Variants in RTN1 observed in about 807,000 individuals in gnomAD.
RTN1 encodes the protein reticulon 1, also known as reticulon-1.
In RTN1, 25 loss-of-function variants were observed where a neutral mutation model predicts 65.5. The observed-to-expected ratio is 0.38, with a 90% CI of 0.28 to 0.53. The LOEUF is 0.53. Among genes scored for constraint, RTN1 ranks in the 20% least tolerant of loss-of-function variants. The pLI, the probability that RTN1 is intolerant of heterozygous loss-of-function variation, is 0.79. For synonymous variants in RTN1, 471 were observed against 447.6 expected, an observed-to-expected ratio of 1.05 and a Z score of -0.66; for missense variants, 983 against 1,025.4, an observed-to-expected ratio of 0.96 and a Z score of 0.57.
chr14:59,610,406 C>T (rs1881912059), intron 3 of RTN1, among the ~76,000 whole-genome samples: 1 of 152,196 alleles, frequency 6.6e-6, no homozygotes, highest in African/African-American at 2.4e-5. Flanking sequence ...ACAATATTAT[C>T]TATTTACATT....
intron 2 of RTN1, among the ~76,000 whole-genome samples, chr14:59,744,341 C>T (rs1342003129): frequency 6.6e-6 from 1 of 152,282 alleles, no homozygotes; most frequent in African/African-American, 2.4e-5. Context: ...CTCTTCATCT[C>T]GATGCCTCAT....
In RTN1 at chr14:59,849,859, C is replaced by T. The variant is rs955008107; in HGVS notation, c.241+20531G>A. ...TCTCTTTTCCTCTTCTTCATAAATC[C>T]ATTCCTTTTTTTACTTTTGCTTCCT... On this transcript the variant is annotated intron_variant, in intron 1 of 8. Coordinates refer to ENST00000267484, the MANE Select transcript of RTN1 (RefSeq NM_021136.3). This position sits in a 1 kb window ranked among gnomAD's most constrained non-coding sequence, Gnocchi z 4.5. Among the ~76,000 whole-genome samples the T allele has an allele frequency of 2.0e-5, 3 of 152,126 alleles. No individual in the cohort carries two copies. Among genetic ancestry groups the T allele is most frequent in the Admixed American group, 1.3e-4 (2 of 15,270 alleles).
rs1885859972 is a variant in RTN1 at position 59,766,878 on chromosome 14, T to C, written c.242-20397A>G. On this transcript the variant is annotated intron_variant, in intron 1 of 8. Transcript: ENST00000267484. This position sits in a 1 kb window ranked among gnomAD's most constrained non-coding sequence, Gnocchi z 4.4. ...TATAATAATGATAAAACAAACTTGA[T>C]AGTTTCAGTGTTTAGTTATTTAACT... 2.0e-5 allele frequency among the ~76,000 whole-genome samples: 3 copies of C among 152,236 alleles called. 1 individual carries two copies. The South Asian group carries it at 6.2e-4, about 32-fold the overall frequency.
chr14:59,729,538 C>G (rs932352054), intron 2 of RTN1, among the ~76,000 whole-genome samples: 2 of 152,120 alleles, frequency 1.3e-5, no homozygotes, highest in South Asian at 4.1e-4. Flanking sequence ...TTTCAGACAG[C>G]GGAAAAGTGT....
chr14:59,756,555 A>C (rs1374912531), intron 1 of RTN1, among the ~76,000 whole-genome samples: 1 of 152,150 alleles, frequency 6.6e-6, no homozygotes. Flanking sequence ...GAGGGCTCTA[A>C]ATTTCCTTTA....
At chr14:59,749,531 ATC>A (rs1379785624) in intron 1 of RTN1, among the ~76,000 whole-genome samples, 49 of 57,918 alleles carry the variant, frequency 8.5e-4, no homozygotes, top group African/African-American at 5.5e-3. Context: ...ATTTATATAT[ATC>A]TATCTATATA....
chr14:59,799,759 C>T (rs980255267), intron 1 of RTN1, among the ~76,000 whole-genome samples: 1 of 152,142 alleles, frequency 6.6e-6, no homozygotes, highest in African/African-American at 2.4e-5. Context: ...ATACTGCCCA[C>T]TTTGACAGAC....
intron 1 of RTN1, among the ~76,000 whole-genome samples, chr14:59,757,961 G>A (rs1410486065): frequency 6.6e-6 from 1 of 151,986 alleles, no homozygotes; most frequent in African/African-American, 2.4e-5. Context: ...TTGAACAAAA[G>A]TATAATGACA....
At chr14:59,731,387 G>A (rs749013430) in intron 2 of RTN1, among the ~76,000 whole-genome samples, 6 of 151,968 alleles carry the variant, frequency 3.9e-5, no homozygotes, top group Non-Finnish European at 5.9e-5. Context: ...TTCTTTTTGG[G>A]GTAATAAGAT....
intron 3 of RTN1, among the ~76,000 whole-genome samples, chr14:59,681,651 G>C (rs1883748155): frequency 6.6e-6 from 1 of 152,168 alleles, no homozygotes; most frequent in Non-Finnish European, 1.5e-5. Flanking sequence ...TTGAGTTCCA[G>C]GTTCAGGTCA....
intron 3 of RTN1, among the ~76,000 whole-genome samples, chr14:59,644,806 C>T (rs1566671012): frequency 6.6e-6 from 1 of 151,864 alleles, no homozygotes; most frequent in Non-Finnish European, 1.5e-5. Context: ...GTACAGCCAC[C>T]CTACAGAAAA....
At chr14:59,668,786 T>C (rs1335145387) in intron 3 of RTN1, among the ~76,000 whole-genome samples, 1 of 152,076 alleles carries the variant, frequency 6.6e-6, no homozygotes, top group Non-Finnish European at 1.5e-5. Context: ...CATCAAAAAG[T>C]GGGCAAAGGA....
rs1279397916 is a variant in RTN1, at chr14:59,727,393, A to G, written c.1291T>C (p.Tyr431His). ...CCGCCCACGTGGCCAAAGCTCACATAGCCTGAGGGCAGCGCGTCCTCCGCG... is the reference window on the plus strand; with the variant it reads ...CCGCCCACGTGGCCAAAGCTCACATGGCCTGAGGGCAGCGCGTCCTCCGCG... ...MAAEDALPSG[Y>H]VSFGHVGGPP... Residue 431 changes from tyrosine (Y) to histidine (H), a missense_variant, in exon 3 of 9, where the codon TAT (tyrosine) becomes CAT (histidine). Coordinates refer to ENST00000267484, the MANE Select transcript of RTN1 (RefSeq NM_021136.3). The surrounding 1 kb of genome is among the most constrained non-coding windows in gnomAD (Gnocchi z 4.2). The G allele has an allele frequency of 6.5e-7, 1 of 1,543,128 alleles. No individual in the cohort carries two copies. Among genetic ancestry groups the G allele is most frequent in the Admixed American group, 2.0e-5 (1 of 50,790 alleles).
At chr14:59,649,593 A>T (rs1170423364) in intron 3 of RTN1, among the ~76,000 whole-genome samples, 1 of 152,256 alleles carries the variant, frequency 6.6e-6, no homozygotes, top group Non-Finnish European at 1.5e-5. Flanking sequence ...GGCAAAGGAT[A>T]TGAACAGACA....
intron 1 of RTN1, among the ~76,000 whole-genome samples, chr14:59,747,423 A>G (rs967160588): frequency 4.6e-5 from 7 of 152,216 alleles, no homozygotes; most frequent in Non-Finnish European, 8.8e-5. Flanking sequence ...CCAGCCTGAC[A>G]ACATGGAGAA....
At chr14:59,603,294 A>C in intron 6 of RTN1, 36 bp from the exon 7 acceptor site, 1 of 1,551,122 alleles carries the variant, frequency 6.4e-7, no homozygotes, top group Non-Finnish European at 8.9e-7. Flanking sequence ...TAAAATTCTG[A>C]GTTATCAATA....
chr14:59,600,497 T>C (rs536655440), intron 8 of RTN1, among the ~76,000 whole-genome samples: 53 of 152,204 alleles, frequency 3.5e-4, no homozygotes, highest in Non-Finnish European at 6.8e-4. Flanking sequence ...ATCATGTTCT[T>C]AACTGTACCA....
At chr14:59,798,500 A>G (rs1957984) in intron 1 of RTN1, among the ~76,000 whole-genome samples, 148,266 of 152,270 alleles carry the variant, frequency 0.97, 72,259 homozygotes, top group Middle Eastern at 1. Context: ...TAAGAGAAAA[A>G]GTAGCTGCCT....
intron 3 of RTN1, among the ~76,000 whole-genome samples, chr14:59,668,957 A>C (rs530295705): frequency 9.1e-4 from 138 of 152,162 alleles, no homozygotes; most frequent in African/African-American, 3.1e-3. Flanking sequence ...AGGAAACAAC[A>C]GATGCTGGAG....
Sources: gnomAD v4.1 joint callset for allele counts (sites outside exome capture counted in the v4.1 genomes callset) on GRCh38, gnomAD v4.1.1 for gene constraint, Gnocchi (gnomAD v3.1) non-coding constraint, MANE v1.5 for transcripts, NCBI Gene and HGNC (gene_info 2026-07-23, HGNC 2026-07-21) for gene names.